Variants in TULP4 observed in about 807,000 individuals in gnomAD.
TULP4 encodes TUB like protein 4.
A neutral mutation model predicts 129.0 loss-of-function variants in TULP4; 16 were observed. The ratio of observed to expected loss-of-function variants is 0.12; its 90% CI spans 0.08 to 0.19. The LOEUF (loss-of-function observed/expected upper bound fraction) is 0.19, where lower values mean the gene tolerates loss of function less well. Ranked by LOEUF, TULP4 falls within the 10% of genes least tolerant of loss-of-function variation. TULP4 has a pLI of 1.00. For synonymous variants in TULP4, 998 were observed against 854.0 expected (o/e 1.17, Z -2.94); for missense variants, 1,842 against 2,059.1 (o/e 0.89, Z 2.04).
At chr6:158,402,453 G>A (rs1450965203) in intron 1 of TULP4, among the ~76,000 whole-genome samples, 1 of 152,200 alleles carries the variant, frequency 6.6e-6, no homozygotes, top group Non-Finnish European at 1.5e-5. Context: ...TGTCATTACT[G>A]TTACAAAATT....
At chr6:158,309,296 C>A (rs1282395541), upstream of TULP4, among the ~76,000 whole-genome samples, 1 of 134,888 alleles carries the variant, frequency 7.4e-6, no homozygotes, top group East Asian at 2.2e-4. Flanking sequence ...CCAGACGGGG[C>A]GGCGGGGCAG....
In TULP4 at chr6:158,502,258, G is replaced by A; in HGVS notation, c.2595G>A (p.Leu865=). Residue 865 remains leucine (L), a synonymous_variant, in exon 13 of 14, where the codon TTG becomes TTA. Transcript: ENST00000367097. ...CACAGCCCCCAGTGGATGTGTGCTTGAAGAAGGGCGACTTCTCCCTCTACC... is the reference window on the plus strand; with the variant it reads ...CACAGCCCCCAGTGGATGTGTGCTTAAAGAAGGGCGACTTCTCCCTCTACC... The part of the protein sequence containing the change: ...PPPQPPVDVC[L]KKGDFSLYPT... 1 of 1,569,960 alleles carries A rather than the reference G, an allele frequency of 6.4e-7. No individual in the cohort carries two copies. The highest frequency in any genetic ancestry group is 1.7e-4 in the Middle Eastern group (1 of 5,854).
At chr6:158,273,152 T>A (rs938975755) in intron 1 of TULP4, among the ~76,000 whole-genome samples, 3 of 152,202 alleles carry the variant, frequency 2.0e-5, no homozygotes, top group African/African-American at 7.2e-5. Context: ...CCAGTGAAAG[T>A]TAGGGAAAGT....
chr6:158,435,981 C>T (rs148303360), intron 3 of TULP4, among the ~76,000 whole-genome samples: 2,197 of 151,770 alleles, frequency 0.014, 21 homozygotes, highest in Non-Finnish European at 0.021. Context: ...GTGGCACGAT[C>T]TCGGCTCACT....
intron 3 of TULP4, among the ~76,000 whole-genome samples, chr6:158,439,780 C>T (rs1411740263): frequency 7.9e-6 from 1 of 126,260 alleles, no homozygotes; most frequent in Non-Finnish European, 1.6e-5. Flanking sequence ...GGTGCGATCT[C>T]GGCTCACTGC....
rs34200003 is a variant in TULP4 at position 158,440,317 on chromosome 6, CAAAAAA to C, written c.544-8660_544-8655del. 3.8e-3 allele frequency among the ~76,000 whole-genome samples: 331 copies of C among 85,992 alleles called. 1 individual carries two copies. Among genetic ancestry groups the C allele is most frequent in the East Asian group, 0.018 (39 of 2,122 alleles). The allele number at this position is 85,992 out of a possible 152,430, so 56.4% of individuals were successfully genotyped here. A position where few individuals can be genotyped will look rare whatever the true frequency, so the allele number is the denominator to read the frequency against. On this transcript the variant is annotated intron_variant, in intron 3 of 13. Coordinates refer to ENST00000367097, the MANE Select transcript of TULP4 (RefSeq NM_020245.5). ...TGGATGACAGAGTGAGTCCCTGTCT[CAAAAAA>C]AAAAAAAAAAAAAAAAAATCCACAA...
intron 1 of TULP4, among the ~76,000 whole-genome samples, chr6:158,335,413 G>A (rs893410366): frequency 6.6e-6 from 1 of 150,656 alleles, no homozygotes; most frequent in African/African-American, 2.5e-5. Flanking sequence ...AGTTGTTTTT[G>A]TTTCAGTTTG....
At chr6:158,273,205 C>T (rs1463620161) in intron 1 of TULP4, among the ~76,000 whole-genome samples, 1 of 152,202 alleles carries the variant, frequency 6.6e-6, no homozygotes, top group Admixed American at 6.5e-5. Context: ...GCTTCAGGAG[C>T]CACATCCAAT....
At position 158,444,859 on chromosome 6, in the gene TULP4, T is replaced by C. The variant is rs546105702; in HGVS notation, c.544-4137T>C. On this transcript the variant is annotated intron_variant, in intron 3 of 13. Coordinates refer to ENST00000367097, the MANE Select transcript of TULP4 (RefSeq NM_020245.5). ...CAGAGTCTCGCTCAGTCACCCAGGG[T>C]GGAGTGCATTGGAGCAATCATGGCT... 2.0e-5 allele frequency among the ~76,000 whole-genome samples: 3 copies of C among 152,330 alleles called. No homozygotes were observed. The East Asian group carries it at 5.8e-4, about 29-fold the overall frequency.
intron 1 of TULP4, among the ~76,000 whole-genome samples, chr6:158,328,444 G>A (rs543742804): frequency 6.6e-6 from 1 of 152,078 alleles, no homozygotes; most frequent in South Asian, 2.1e-4. Flanking sequence ...CATCATTCTT[G>A]TTTTCAATCC....
chr6:158,447,455 T>A (rs928011546), intron 3 of TULP4, among the ~76,000 whole-genome samples: 1 of 152,242 alleles, frequency 6.6e-6, no homozygotes, highest in Admixed American at 6.5e-5. Context: ...ATAGATCATA[T>A]TTAAAGGAAT....
At position 158,413,916 on chromosome 6, in the gene TULP4, A is replaced by T. The variant is rs1778150765; in HGVS notation, c.381+723A>T. Among the ~76,000 whole-genome samples, 1 of 152,208 alleles carries T rather than the reference A, an allele frequency of 6.6e-6. No homozygotes were observed. The highest frequency in any genetic ancestry group is 2.4e-5 in the African/African-American group (1 of 41,462). Reference sequence around the variant, plus strand: ...CTCAGGGGATGTCAATTAATAATTAATGAGGGGTTTCTTGGACTATTTTAA... The same window carrying T: ...CTCAGGGGATGTCAATTAATAATTATTGAGGGGTTTCTTGGACTATTTTAA... On this transcript the variant is annotated intron_variant, in intron 2 of 13. Transcript: ENST00000367097. The surrounding 1 kb of genome is among the most constrained non-coding windows in gnomAD (Gnocchi z 4.9).
At chr6:158,331,747 G>GTATATACACGTGTA (rs1554280855) in intron 1 of TULP4, among the ~76,000 whole-genome samples, 1 of 29,220 alleles carries the variant, frequency 3.4e-5, no homozygotes, top group African/African-American at 9.1e-5. Flanking sequence ...ATATATACGT[G>GTATATACACGTGTA]TATATACACG....
intron 1 of TULP4, among the ~76,000 whole-genome samples, chr6:158,244,224 T>C (rs947010879): frequency 4.6e-5 from 7 of 152,158 alleles, no homozygotes; most frequent in African/African-American, 1.7e-4. Flanking sequence ...TGCTTTACGA[T>C]ATGATGAGAT....
At chr6:158,241,956 A>C in intron 1 of TULP4, 1 of 872,636 alleles carries the variant, frequency 1.1e-6, no homozygotes. Flanking sequence ...CTCTTTCCGC[A>C]TTGGTTAATT....
intron 1 of TULP4, among the ~76,000 whole-genome samples, chr6:158,365,436 T>C (rs1780912554): frequency 6.6e-6 from 1 of 151,906 alleles, no homozygotes; most frequent in Admixed American, 6.5e-5. Flanking sequence ...CTTGTGTATC[T>C]CTTTGGAAGT....
At chr6:158,253,805 T>G (rs1409688552) in intron 1 of TULP4, among the ~76,000 whole-genome samples, 3 of 152,044 alleles carry the variant, frequency 2.0e-5, no homozygotes, top group Non-Finnish European at 4.4e-5. Flanking sequence ...GAGGCCAAGG[T>G]GGGCGGATCA....
At chr6:158,305,842 C>A (rs1417887002) in intron 1 of TULP4, among the ~76,000 whole-genome samples, 1 of 151,836 alleles carries the variant, frequency 6.6e-6, no homozygotes, top group Non-Finnish European at 1.5e-5. Context: ...CATTTTATAC[C>A]AACCCCCCTT....
intron 3 of TULP4, among the ~76,000 whole-genome samples, chr6:158,443,953 C>T (rs947619584): frequency 2.0e-5 from 3 of 152,102 alleles, no homozygotes; most frequent in African/African-American, 4.8e-5. Flanking sequence ...GGTGCGGTGG[C>T]TCACGCCTGT....
Sources: allele counts gnomAD v4.1 joint callset (sites outside exome capture counted in the v4.1 genomes callset), GRCh38; gene constraint gnomAD v4.1.1; non-coding constraint Gnocchi (gnomAD v3.1); transcripts MANE v1.5; gene names NCBI Gene and HGNC (gene_info 2026-07-23, HGNC 2026-07-21).